CBLB: variants seen among roughly 807,000 people sequenced by gnomAD.
CBLB encodes E3 ubiquitin-protein ligase CBL-B.
In CBLB, 31 loss-of-function variants were observed where a neutral mutation model predicts 104.9. The ratio of observed to expected loss-of-function variants is 0.30; its 90% CI spans 0.22 to 0.40. The LOEUF is 0.40. Among genes scored for constraint, CBLB ranks in the 10% least tolerant of loss-of-function variants. The pLI is 1.00. For synonymous variants in CBLB, 440 were observed against 422.6 expected (o/e 1.04, Z -0.51); for missense variants, 1,062 against 1,214.6 (o/e 0.87, Z 1.87).
At chr3:105,842,437 A>G (rs1196517629) in intron 3 of CBLB, among the ~76,000 whole-genome samples, 2 of 152,198 alleles carry the variant, frequency 1.3e-5, no homozygotes, top group African/African-American at 4.8e-5. Flanking sequence ...TCAAAAAGAG[A>G]TATCTGGCTA....
At chr3:105,867,340 T>C (rs2092482811) in intron 2 of CBLB, 70 bp downstream of exon 2, 3 of 1,338,336 alleles carry the variant, frequency 2.2e-6, no homozygotes, top group Non-Finnish European at 3.2e-6. Flanking sequence ...ATTAACAGTA[T>C]AAATAAATCT....
At chr3:105,808,121 C>T (rs1382927562) in intron 3 of CBLB, among the ~76,000 whole-genome samples, 1 of 152,166 alleles carries the variant, frequency 6.6e-6, no homozygotes, top group East Asian at 1.9e-4. Context: ...CACTTGTCTT[C>T]AACTGAGCCT....
At chr3:105,846,030 G>T (rs1025196083) in intron 3 of CBLB, among the ~76,000 whole-genome samples, 4 of 151,846 alleles carry the variant, frequency 2.6e-5, no homozygotes, top group Non-Finnish European at 5.9e-5. Flanking sequence ...TTATTATTTT[G>T]AAGTATCAAA....
Position 105,681,691 on chromosome 3 carries a change from T to C in CBLB, c.2296+33A>G, listed in dbSNP as rs760227349. 6.3e-6 allele frequency: 10 copies of C among 1,596,832 alleles called. No individual in the cohort carries two copies. In the South Asian group the frequency reaches 9.9e-5, roughly 16 times the overall value. On this transcript the variant is annotated intron_variant, in intron 15 of 18. Transcript: ENST00000394030. ...CCTTTAAATTCTGACCATTAAGATGTACATCACAAAGGAAATTATATTCTA... is the reference window on the plus strand; with the variant it reads ...CCTTTAAATTCTGACCATTAAGATGCACATCACAAAGGAAATTATATTCTA...
At chr3:105,826,390 C>T (rs1444819858) in intron 3 of CBLB, among the ~76,000 whole-genome samples, 2 of 152,156 alleles carry the variant, frequency 1.3e-5, no homozygotes, top group African/African-American at 4.8e-5. Context: ...AACACTTTAG[C>T]TTTTTGGTAT....
At chr3:105,728,305 C>T (rs1372257765) in intron 9 of CBLB, among the ~76,000 whole-genome samples, 1 of 152,116 alleles carries the variant, frequency 6.6e-6, no homozygotes, top group Non-Finnish European at 1.5e-5. Context: ...AACAAACATT[C>T]CTATGCACCA....
chr3:105,719,405 T>C (rs1413210199), intron 10 of CBLB, among the ~76,000 whole-genome samples: 1 of 152,222 alleles, frequency 6.6e-6, no homozygotes, highest in African/African-American at 2.4e-5. Context: ...TATCAGCCTG[T>C]CAACATTATA....
At chr3:105,746,106 A>AC (rs2076077071) in intron 5 of CBLB, 68 bp from the exon 6 acceptor site, 3 of 1,050,406 alleles carry the variant, frequency 2.9e-6, no homozygotes, top group Admixed American at 1.8e-5. Context: ...TACATACTGA[A>AC]CCATATTTAA....
intron 16 of CBLB, among the ~76,000 whole-genome samples, chr3:105,679,237 C>A (rs558872347): frequency 7.4e-5 from 11 of 148,802 alleles, no homozygotes; most frequent in South Asian, 4.3e-4. Flanking sequence ...TATTTCCCAG[C>A]TTTAATAACT....
rs147535482 is a variant in CBLB, at chr3:105,666,578, C to T, written c.2689+3655G>A. On this transcript the variant is annotated intron_variant, in intron 18 of 18. Transcript: ENST00000394030. ...GTGGATGCCTGTAATCCCAGCTACT[C>T]GGGAAGCTGAGGCATGAGAACTACT... Among the ~76,000 whole-genome samples the T allele has an allele frequency of 3.1e-3, 467 of 152,042 alleles. 3 individuals carry two copies. Among genetic ancestry groups the T allele is most frequent in the African/African-American group, 0.01 (432 of 41,478 alleles).
chr3:105,748,821 C>G (rs557982769), intron 5 of CBLB, among the ~76,000 whole-genome samples: 1 of 152,120 alleles, frequency 6.6e-6, no homozygotes, highest in South Asian at 2.1e-4. Flanking sequence ...CATCTCCTGC[C>G]CCCCCACTGG....
chr3:105,702,031 G>A, intron 12 of CBLB, 63 bp downstream of exon 12: 1 of 1,584,866 alleles, frequency 6.3e-7, no homozygotes, highest in East Asian at 2.2e-5. Flanking sequence ...AACCTTTTAT[G>A]CTACTGACCA....
intron 10 of CBLB, among the ~76,000 whole-genome samples, chr3:105,707,893 A>C (rs1201246687): frequency 6.6e-6 from 1 of 152,150 alleles, no homozygotes; most frequent in Admixed American, 6.6e-5. Context: ...TTCAATGTAG[A>C]CCAAAATTAT....
chr3:105,828,055 A>G (rs2086856897), intron 3 of CBLB, among the ~76,000 whole-genome samples: 1 of 152,204 alleles, frequency 6.6e-6, no homozygotes, highest in African/African-American at 2.4e-5. Flanking sequence ...TCTATGGAGA[A>G]GTCAAGGACT....
chr3:105,801,396 T>C (rs908845877), intron 3 of CBLB, among the ~76,000 whole-genome samples: 1 of 152,212 alleles, frequency 6.6e-6, no homozygotes, highest in Admixed American at 6.5e-5. Context: ...ACAGATTATT[T>C]AAAATGTGTT....
Position 105,868,913 on chromosome 3 carries a change from G to C in CBLB, c.-192C>G, listed in dbSNP as rs552358519. 9.9e-7 allele frequency: 1 copy of C among 1,010,170 alleles called. No homozygotes were observed. Among genetic ancestry groups the C allele is most frequent in the African/African-American group, 1.7e-5 (1 of 57,242 alleles). 62.6% of individuals were successfully genotyped at this position (1,010,170 alleles called of 1,614,324 possible). A position where few individuals can be genotyped will look rare whatever the true frequency, so the allele number is the denominator to read the frequency against. ...GAGACGTGGAAACGCAACAATTACC[G>C]TCAAGACAAATCCACACCCGCTCTC... On this transcript the variant is annotated 5_prime_UTR_variant, in exon 1 of 19. Transcript: ENST00000394030.
chr3:105,776,917 G>A (rs2079547093), intron 3 of CBLB, among the ~76,000 whole-genome samples: 1 of 152,094 alleles, frequency 6.6e-6, no homozygotes, highest in South Asian at 2.1e-4. Flanking sequence ...GGGGAGTAAG[G>A]AAAGATTTGC....
At chr3:105,681,660 A>C (rs1965371300) in intron 15 of CBLB, 50 bp from the exon 16 acceptor site, 1 of 1,612,374 alleles carries the variant, frequency 6.2e-7, no homozygotes, top group African/African-American at 1.3e-5. Flanking sequence ...ATGGCATGAA[A>C]TTTTGCCTTT....
intron 2 of CBLB, among the ~76,000 whole-genome samples, chr3:105,855,687 G>A (rs150205453): frequency 1.3e-5 from 2 of 152,140 alleles, no homozygotes; most frequent in Non-Finnish European, 1.5e-5. Context: ...AAGTATATGC[G>A]GTAACGGAAG....
Sources: gnomAD v4.1 joint callset for allele counts (sites outside exome capture counted in the v4.1 genomes callset) on GRCh38, gnomAD v4.1.1 for gene constraint, MANE v1.5 for transcripts, NCBI Gene and HGNC (gene_info 2026-07-23, HGNC 2026-07-21) for gene names.